ADARB2: variants seen among roughly 807,000 people sequenced by gnomAD.
ADARB2 encodes the protein adenosine deaminase RNA specific B2 (inactive).
A neutral mutation model predicts 62.2 loss-of-function variants in ADARB2; 25 were observed. The ratio of observed to expected loss-of-function variants is 0.40; its 90% confidence interval spans 0.29 to 0.56. The LOEUF (loss-of-function observed/expected upper bound fraction) is 0.56. Among genes scored for constraint, ADARB2 ranks in the 20% least tolerant of loss-of-function variants. The pLI, the probability that ADARB2 is intolerant of heterozygous loss-of-function variation, is 0.43. For synonymous variants in ADARB2, 572 were observed against 500.8 expected, an observed-to-expected ratio of 1.14 and a Z score of -1.90; for missense variants, 1,071 against 1,077.4, an observed-to-expected ratio of 0.99 and a Z score of 0.08.
At chr10:1,251,085 T>C (rs1178850379) in intron 4 of ADARB2, among the ~76,000 whole-genome samples, 1 of 152,218 alleles carries the variant, frequency 6.6e-6, no homozygotes, top group African/African-American at 2.4e-5. Flanking sequence ...CAGAGTAAAT[T>C]CCAAATTGAT....
chr10:1,317,976 G>C (rs1267404266), intron 3 of ADARB2, among the ~76,000 whole-genome samples: 2 of 152,232 alleles, frequency 1.3e-5, no homozygotes, highest in Non-Finnish European at 2.9e-5. Context: ...GTGAGTGCCA[G>C]GTAACTGCTG....
chr10:1,703,871 A>T (rs1350764074), intron 1 of ADARB2, among the ~76,000 whole-genome samples: 1 of 152,148 alleles, frequency 6.6e-6, no homozygotes, highest in Non-Finnish European at 1.5e-5. Context: ...CCTTTTGTTA[A>T]ATGCGGTCAA....
chr10:1,293,163 G>GGGA (rs1564248721), intron 3 of ADARB2, among the ~76,000 whole-genome samples: 5 of 57,766 alleles, frequency 8.7e-5, no homozygotes, highest in African/African-American at 3.0e-4. Flanking sequence ...GGGAGGGTAA[G>GGGA]AAGGGGGGAG....
intron 3 of ADARB2, chr10:1,361,179 G>C (rs1832250130): frequency 6.6e-6 from 1 of 152,660 alleles, no homozygotes; most frequent in South Asian, 2.1e-4. Flanking sequence ...CTCTCTCCCA[G>C]TCTCCCCACC....
chr10:1,675,488 G>A lies in ADARB2; in HGVS notation c.100+61563C>T, dbSNP rs1354292848. ...GGAGGTTTGGGTTTGGGGGTACATG[G>A]ATGTTCTGGAGGTTTGGGTTTGGGG... On this transcript the variant is annotated intron_variant, in intron 1 of 9. Transcript: ENST00000381312. The A allele has an allele frequency of 3.1e-6, 3 of 956,420 alleles. 1 individual carries two copies. In the Admixed American group the frequency reaches 1.9e-4, roughly 62 times the overall value. The allele number at this position is 956,420 out of a possible 1,614,324, so 59.2% of individuals were successfully genotyped here.
At chr10:1,670,233 T>G (rs1180424797) in intron 1 of ADARB2, among the ~76,000 whole-genome samples, 1 of 152,238 alleles carries the variant, frequency 6.6e-6, no homozygotes, top group East Asian at 1.9e-4. Flanking sequence ...TACTAGTTTG[T>G]GTCATAGTAA....
intron 3 of ADARB2, among the ~76,000 whole-genome samples, chr10:1,299,686 G>A (rs942650295): frequency 6.6e-6 from 1 of 152,166 alleles, no homozygotes; most frequent in African/African-American, 2.4e-5. Context: ...GTGGAGCTAA[G>A]GACATTTCAT....
intron 1 of ADARB2, among the ~76,000 whole-genome samples, chr10:1,523,774 A>C: frequency 6.6e-6 from 1 of 152,232 alleles, no homozygotes; most frequent in East Asian, 1.9e-4. Context: ...CAGTTTCACC[A>C]TTATATCAGC....
In ADARB2 at chr10:1,393,177, TTTC is replaced by T. The variant is rs1323683896; in HGVS notation, c.101-14020_101-14018del. Among the ~76,000 whole-genome samples the T allele has an allele frequency of 2.0e-5, 3 of 152,196 alleles. No individual in the cohort carries two copies. In the East Asian group the frequency reaches 5.8e-4, roughly 29 times the overall value. On this transcript the variant is annotated intron_variant, in intron 1 of 9. Coordinates refer to ENST00000381312, the MANE Select transcript of ADARB2 (RefSeq NM_018702.4). ...AATGTGTCCATTTTTCATGGTTTAA[TTTC>T]TTCTTCTCTCTGTTGGTTAAAATGT...
chr10:1,479,013 C>A (rs74122658), intron 1 of ADARB2, among the ~76,000 whole-genome samples: 2 of 152,288 alleles, frequency 1.3e-5, no homozygotes, highest in African/African-American at 4.8e-5. Context: ...AAAAGGTAAG[C>A]CAGCAGTCTA....
intron 4 of ADARB2, among the ~76,000 whole-genome samples, chr10:1,264,038 C>T (rs533476179): frequency 3.4e-4 from 52 of 152,064 alleles, no homozygotes; most frequent in Non-Finnish European, 6.6e-4. Context: ...AATTGCCCAT[C>T]AGCGCTCCTT....
intron 1 of ADARB2, among the ~76,000 whole-genome samples, chr10:1,505,371 G>A (rs563954402): frequency 1.3e-5 from 2 of 150,580 alleles, no homozygotes; most frequent in Admixed American, 6.6e-5. Context: ...GCAAGGGATC[G>A]GAGGGTTTTT....
chr10:1,690,844 A>G (rs1168467982), intron 1 of ADARB2, among the ~76,000 whole-genome samples: 2 of 150,898 alleles, frequency 1.3e-5, no homozygotes, highest in East Asian at 3.9e-4. Flanking sequence ...CCTCCTCCCT[A>G]CTCTTGCACC....
At chr10:1,595,304 T>A (rs1833318010) in intron 1 of ADARB2, among the ~76,000 whole-genome samples, 1 of 152,108 alleles carries the variant, frequency 6.6e-6, no homozygotes, top group South Asian at 2.1e-4. Flanking sequence ...GGAATTCCTG[T>A]GTTGAGAAGA....
chr10:1,421,993 G>C (rs1432083245), intron 1 of ADARB2, among the ~76,000 whole-genome samples: 2 of 152,226 alleles, frequency 1.3e-5, no homozygotes, highest in Non-Finnish European at 2.9e-5. Context: ...TCTAGTGGCA[G>C]AGTGGCAGGC....
chr10:1,561,663 C>T (rs1832787291), intron 1 of ADARB2, among the ~76,000 whole-genome samples: 1 of 152,156 alleles, frequency 6.6e-6, no homozygotes, highest in African/African-American at 2.4e-5. Context: ...GCTGCTGGGC[C>T]TGATCCTGGA....
At chr10:1,532,111 G>A (rs536503707) in intron 1 of ADARB2, among the ~76,000 whole-genome samples, 18 of 152,274 alleles carry the variant, frequency 1.2e-4, no homozygotes, top group African/African-American at 3.4e-4. Flanking sequence ...CTCCCACTGC[G>A]TGCTGCCTGC....
intron 1 of ADARB2, among the ~76,000 whole-genome samples, chr10:1,560,454 G>A (rs1832770580): frequency 6.7e-6 from 1 of 150,300 alleles, no homozygotes; most frequent in African/African-American, 2.4e-5. Flanking sequence ...CGTCACACAC[G>A]CGTGAACACA....
intron 1 of ADARB2, among the ~76,000 whole-genome samples, chr10:1,382,224 A>T (rs536706422): frequency 7.9e-5 from 12 of 152,264 alleles, no homozygotes; most frequent in Non-Finnish European, 1.3e-4. Context: ...ACTCCTAGTT[A>T]TGCCTAACCA....
Sources: gnomAD v4.1 joint callset for allele counts (sites outside exome capture counted in the v4.1 genomes callset) on GRCh38, gnomAD v4.1.1 for gene constraint, MANE v1.5 for transcripts, NCBI Gene and HGNC (gene_info 2026-07-23, HGNC 2026-07-21) for gene names.